RAD17: variants seen among roughly 807,000 people sequenced by gnomAD.
The protein encoded by RAD17 is RAD17 checkpoint clamp loader component.
In RAD17, 31 loss-of-function variants were observed where a neutral mutation model predicts 81.5. The ratio of observed to expected loss-of-function variants is 0.38; its 90% CI spans 0.29 to 0.51. The LOEUF (loss-of-function observed/expected upper bound fraction) is 0.51. RAD17 is among the 20% of genes least tolerant of loss of function. The pLI, the probability that RAD17 is intolerant of heterozygous loss-of-function variation, is 0.88. For missense variants in RAD17, 681 were observed against 781.2 expected, an observed-to-expected ratio of 0.87 and a Z score of 1.53; for synonymous variants, 261 against 266.2, an observed-to-expected ratio of 0.98 and a Z score of 0.19.
chr5:69,398,760 C>T (rs1331747999), intron 16 of RAD17, among the ~76,000 whole-genome samples: 1 of 149,442 alleles, frequency 6.7e-6, no homozygotes. Flanking sequence ...GAGCCGAGAT[C>T]ATGCCACTGC....
Position 69,393,241 on chromosome 5 carries a change from G to C in RAD17, c.1275+1G>C. 1.2e-6 allele frequency: 2 copies of C among 1,602,514 alleles called. No individual in the cohort carries two copies. Among genetic ancestry groups the C allele is most frequent in the Non-Finnish European group, 1.7e-6 (2 of 1,170,668 alleles). On this transcript the variant is annotated splice_donor_variant, in intron 14 of 18. Transcript: ENST00000354868. LOFTEE classifies it high-confidence loss of function. ...GGATACATTACTTGTTGAACCTGAGGTAAGTTCTTTGATGACACTTAGTAT... is the reference window on the plus strand; with the variant it reads ...GGATACATTACTTGTTGAACCTGAGCTAAGTTCTTTGATGACACTTAGTAT...
At chr5:69,412,349 A>G (rs1377682955) in intron 18 of RAD17, among the ~76,000 whole-genome samples, 1 of 152,148 alleles carries the variant, frequency 6.6e-6, no homozygotes, top group African/African-American at 2.4e-5. Context: ...TCATATGTTT[A>G]GTATTTAGTA....
chr5:69,386,127 A>G (rs767071891), intron 9 of RAD17, 32 bp downstream of exon 9: 3 of 1,600,388 alleles, frequency 1.9e-6, no homozygotes, highest in African/African-American at 1.3e-5. Flanking sequence ...TAAAACTCCA[A>G]ATTAAATGAG....
rs17230201 is a variant in RAD17, at chr5:69,409,553, T to C, written c.1694-940T>C. ...TGCTATTAGGACAATTTCCAGAGAC[T>C]TCAAATGATTGATTTTTAAAAGTTT... On this transcript the variant is annotated intron_variant, in intron 17 of 18. Coordinates refer to ENST00000354868, the MANE Select transcript of RAD17 (RefSeq NM_133338.3). 2.5e-3 allele frequency among the ~76,000 whole-genome samples: 384 copies of C among 152,312 alleles called. 13 individuals carry two copies. In the East Asian group the frequency reaches 0.065, roughly 26 times the overall value.
At position 69,393,188 on chromosome 5, in the gene RAD17, T is replaced by G. The variant is rs754824930; in HGVS notation, c.1223T>G (p.Leu408Trp). 6.2e-7 allele frequency: 1 copy of G among 1,611,732 alleles called. No homozygotes were observed. The highest frequency in any genetic ancestry group is 8.5e-7 in the Non-Finnish European group (1 of 1,178,628). ...TTAACAGAATTAGACTCACCTCGGT[T>G]GCCCTCTCATTTATCAGAATATGAA... ...ASLTELDSPRLPSHLSEYERD... is the reference protein window; with the variant it reads ...ASLTELDSPRWPSHLSEYERD... The change falls in exon 14 of 19, where the codon TTG becomes TGG. Residue 408 changes from leucine to tryptophan, a missense_variant. Physicochemically the swap from Leu to Trp is moderately conservative, Grantham distance 61 (BLOSUM62 -2). Transcript: ENST00000354868.
chr5:69,378,434 A>G (rs1763644645), intron 6 of RAD17, among the ~76,000 whole-genome samples: 1 of 152,234 alleles, frequency 6.6e-6, no homozygotes, highest in Admixed American at 6.5e-5. Context: ...GTCAGAAAAC[A>G]GGCACTTAAG....
At chr5:69,409,910 T>G (rs1765861418) in intron 17 of RAD17, among the ~76,000 whole-genome samples, 1 of 152,196 alleles carries the variant, frequency 6.6e-6, no homozygotes, top group African/African-American at 2.4e-5. Context: ...TTCATATAGG[T>G]GGAATCATAC....
chr5:69,384,114 C>G lies in RAD17; in HGVS notation c.509-683C>G, dbSNP rs1297856704. ...CTGGGAGGTGGAGGTTGCAGTGAGC[C>G]AAGATTGCGCCACTGCACTCCAGCC... is the stretch of plus-strand genomic sequence containing the variant. On this transcript the variant is annotated intron_variant, in intron 7 of 18. Transcript: ENST00000354868. 3 of 149,780 alleles carry G rather than the reference C, an allele frequency of 2.0e-5. No homozygotes were observed. The East Asian group carries it at 6.4e-4, about 32-fold the overall frequency. 9.3% of individuals were successfully genotyped at this position (149,780 alleles called of 1,614,324 possible). A position where few individuals can be genotyped will look rare whatever the true frequency, so the allele number is the denominator to read the frequency against.
At chr5:69,389,977 A>G (rs1388486709) in intron 12 of RAD17, among the ~76,000 whole-genome samples, 1 of 152,174 alleles carries the variant, frequency 6.6e-6, no homozygotes, top group East Asian at 1.9e-4. Flanking sequence ...TGTTTAATAA[A>G]TTTATTTCCT....
chr5:69,405,011 A>ATT (rs2150873851), intron 17 of RAD17, among the ~76,000 whole-genome samples: 1 of 152,336 alleles, frequency 6.6e-6, no homozygotes, highest in East Asian at 1.9e-4. Context: ...ACTGCTTAAC[A>ATT]TTAAGGCTTA....
At chr5:69,407,568 T>TTTG (rs1765691664) in intron 17 of RAD17, among the ~76,000 whole-genome samples, 1 of 120,150 alleles carries the variant, frequency 8.3e-6, no homozygotes, top group Non-Finnish European at 1.7e-5. Context: ...CCAAGTTTTT[T>TTTG]TTTTTTTTTT....
Position 69,396,429 on chromosome 5 carries a change from T to A in RAD17, c.1455T>A (p.Ser485=). ...CTTTACTCAGGGAATATAGCACATC[T>A]ATAGCTACGAGAGGTGTGATGCATT... is the stretch of plus-strand genomic sequence containing the variant. ...TRSLLREYST[S]IATRGVMHSN... The change falls in exon 16 of 19, where the codon TCT becomes TCA. Residue 485 remains serine, a synonymous_variant. Coordinates refer to ENST00000354868, the MANE Select transcript of RAD17 (RefSeq NM_133338.3). 1 of 1,613,252 alleles carries A rather than the reference T, an allele frequency of 6.2e-7. No individual in the cohort carries two copies. Among genetic ancestry groups the A allele is most frequent in the African/African-American group, 1.3e-5 (1 of 75,026 alleles).
At chr5:69,391,582 G>A (rs1160475450) in intron 12 of RAD17, among the ~76,000 whole-genome samples, 1 of 152,160 alleles carries the variant, frequency 6.6e-6, no homozygotes, top group African/African-American at 2.4e-5. Context: ...GCCTATATTA[G>A]AGATTGTGCT....
At chr5:69,402,953 T>C (rs1445674107) in intron 17 of RAD17, among the ~76,000 whole-genome samples, 2 of 152,168 alleles carry the variant, frequency 1.3e-5, no homozygotes, top group Admixed American at 6.6e-5. Context: ...ATACCGTTTA[T>C]TTTATAGTCC....
chr5:69,369,562 C>G (rs1349865748), upstream of RAD17: 32 of 1,607,404 alleles, frequency 2.0e-5, no homozygotes, highest in Non-Finnish European at 2.5e-5. Flanking sequence ...CCGGAAGGGG[C>G]GGGCGGCAGC....
At chr5:69,377,637 A>G (rs796820306) in intron 6 of RAD17, among the ~76,000 whole-genome samples, 16 of 20,352 alleles carry the variant, frequency 7.9e-4, no homozygotes, top group African/African-American at 1.8e-3. Context: ...ATATATGTAT[A>G]CATATATATA....
chr5:69,371,746 A>G (rs867328908), intron 3 of RAD17, among the ~76,000 whole-genome samples, 189 bp downstream of exon 3: 5 of 152,228 alleles, frequency 3.3e-5, no homozygotes, highest in Non-Finnish European at 5.9e-5. Context: ...TTAATTTTGA[A>G]AAAGTGTTTT....
intron 15 of RAD17, among the ~76,000 whole-genome samples, chr5:69,394,359 A>C (rs890561795): frequency 1.3e-5 from 2 of 151,916 alleles, no homozygotes; most frequent in Non-Finnish European, 2.9e-5. Flanking sequence ...CACCATGCCC[A>C]GCCCCAGCTT....
intron 7 of RAD17, 59 bp from the exon 8 acceptor site, chr5:69,384,738 G>A: frequency 6.8e-7 from 1 of 1,475,800 alleles, no homozygotes; most frequent in Non-Finnish European, 9.3e-7. Flanking sequence ...ACATACAGAT[G>A]TATAATATTA....
Sources: allele counts gnomAD v4.1 joint callset (sites outside exome capture counted in the v4.1 genomes callset), GRCh38; gene constraint gnomAD v4.1.1; transcripts MANE v1.5; gene names NCBI Gene and HGNC (gene_info 2026-07-23, HGNC 2026-07-21).